Variants in ADAMTS19 observed in about 807,000 individuals in gnomAD.
The protein encoded by ADAMTS19 is A disintegrin and metalloproteinase with thrombospondin motifs 19.
ADAMTS19 carries 93 observed loss-of-function variants against 153.3 expected under a neutral mutation model. That is an observed-to-expected ratio of 0.61 (90% CI 0.51 to 0.72). The LOEUF (loss-of-function observed/expected upper bound fraction) is 0.72, where lower values mean the gene tolerates loss of function less well. Ranked by LOEUF, ADAMTS19 falls within the 30% of genes least tolerant of loss-of-function variation. The pLI is 0.00. For missense variants in ADAMTS19, 1,482 were observed against 1,552.1 expected, an observed-to-expected ratio of 0.95 and a Z score of 0.76; for synonymous variants, 600 against 556.6, an observed-to-expected ratio of 1.08 and a Z score of -1.10.
chr5:129,658,321 GAAAGAAAGAAAGAA>G (rs1491561212), intron 14 of ADAMTS19, among the ~76,000 whole-genome samples: 1 of 86,334 alleles, frequency 1.2e-5, no homozygotes, highest in African/African-American at 4.3e-5. Flanking sequence ...AAGAAAGAAA[GAAAGAAAGAAAGAA>G]AGAAAGAAAG....
intron 18 of ADAMTS19, among the ~76,000 whole-genome samples, chr5:129,689,926 G>A (rs559838366): frequency 2.0e-4 from 30 of 152,112 alleles, no homozygotes; most frequent in Non-Finnish European, 3.7e-4. Flanking sequence ...ATACCTAAGC[G>A]ATAATCCATG....
chr5:129,707,685 A>C (rs1015615269), intron 21 of ADAMTS19, among the ~76,000 whole-genome samples: 16 of 152,366 alleles, frequency 1.1e-4, no homozygotes, highest in Admixed American at 7.8e-4. Flanking sequence ...TGAAACAGGA[A>C]TAGCAACAAG....
chr5:129,647,214 G>GAAAA (rs34958335), intron 11 of ADAMTS19, among the ~76,000 whole-genome samples: 6 of 102,306 alleles, frequency 5.9e-5, no homozygotes, highest in Non-Finnish European at 8.3e-5. Context: ...AATTCTTTCA[G>GAAAA]AAAAAAAAAA....
intron 10 of ADAMTS19, among the ~76,000 whole-genome samples, chr5:129,637,836 G>A (rs939722774): frequency 1.6e-4 from 24 of 152,166 alleles, no homozygotes; most frequent in African/African-American, 4.6e-4. Flanking sequence ...TGACAAGAGC[G>A]AGACTCTGTC....
intron 21 of ADAMTS19, among the ~76,000 whole-genome samples, chr5:129,708,326 A>G (rs1756261411): frequency 6.6e-6 from 1 of 152,156 alleles, no homozygotes; most frequent in Non-Finnish European, 1.5e-5. Flanking sequence ...ATTATATGCC[A>G]CGTTCTGACT....
At chr5:129,597,799 A>G (rs1171538621) in intron 8 of ADAMTS19, among the ~76,000 whole-genome samples, 10 of 151,566 alleles carry the variant, frequency 6.6e-5, no homozygotes, top group Admixed American at 6.6e-4. Flanking sequence ...CTACTGGGGA[A>G]GCTGAGGCAG....
intron 3 of ADAMTS19, among the ~76,000 whole-genome samples, chr5:129,522,462 T>A (rs1013736850): frequency 6.7e-6 from 1 of 150,020 alleles, no homozygotes; most frequent in African/African-American, 2.4e-5. Context: ...TGGCTAGTAT[T>A]GTTTTTGTCA....
intron 6 of ADAMTS19, among the ~76,000 whole-genome samples, chr5:129,535,909 A>G (rs933736860): frequency 1.3e-5 from 2 of 152,162 alleles, no homozygotes; most frequent in Admixed American, 1.3e-4. Flanking sequence ...ACAAAAATTA[A>G]TTCAAGATGG....
chr5:129,680,903 T>A (rs903244521), intron 17 of ADAMTS19, among the ~76,000 whole-genome samples: 1 of 152,190 alleles, frequency 6.6e-6, no homozygotes, highest in Non-Finnish European at 1.5e-5. Flanking sequence ...TGCGTGCTAA[T>A]GGCACATGAG....
At chr5:129,733,944 CGTGTGTGTGTGTGTGTGTGTGT>C (rs34177749) in intron 21 of ADAMTS19, among the ~76,000 whole-genome samples, 68 of 147,838 alleles carry the variant, frequency 4.6e-4, no homozygotes, top group African/African-American at 1.3e-3. Flanking sequence ...CAAGTGTGTG[CGTGTGTGTGTGTGTGTGTGTGT>C]GTGTGTGTGT....
chr5:129,645,010 A>G lies in ADAMTS19; in HGVS notation c.1873-2755A>G, dbSNP rs542480088. On this transcript the variant is annotated intron_variant, in intron 11 of 22. Coordinates refer to ENST00000274487, the MANE Select transcript of ADAMTS19 (RefSeq NM_133638.6). ...CAATATATGTACAAGATTTGATCAG[A>G]GACTGTTCAGGCTCCTTTGACATCT... Among the ~76,000 whole-genome samples, 5 of 152,234 alleles carry G rather than the reference A, an allele frequency of 3.3e-5. No individual in the cohort carries two copies. The East Asian group carries it at 7.7e-4, about 24-fold the overall frequency.
intron 18 of ADAMTS19, among the ~76,000 whole-genome samples, chr5:129,690,434 C>A (rs1385318512): frequency 6.6e-6 from 1 of 152,110 alleles, no homozygotes; most frequent in Non-Finnish European, 1.5e-5. Context: ...TTTAACTTGA[C>A]AGCTATGTGA....
At chr5:129,465,400 C>T (rs1749822709) in intron 2 of ADAMTS19, among the ~76,000 whole-genome samples, 1 of 142,394 alleles carries the variant, frequency 7.0e-6, no homozygotes, top group Non-Finnish European at 1.5e-5. Flanking sequence ...TTTTAATGGA[C>T]TATTGACATG....
chr5:129,647,940 G>C, intron 12 of ADAMTS19, 45 bp downstream of exon 12: 1 of 1,575,474 alleles, frequency 6.3e-7, no homozygotes, highest in Non-Finnish European at 8.7e-7. Flanking sequence ...TTTCAATTTT[G>C]GAATGCAAAG....
chr5:129,717,375 A>C (rs1205928425), intron 21 of ADAMTS19, among the ~76,000 whole-genome samples: 1 of 152,150 alleles, frequency 6.6e-6, no homozygotes, highest in Non-Finnish European at 1.5e-5. Context: ...TTCTGACTCT[A>C]ATTTGATAAC....
chr5:129,557,093 G>A (rs7444945), intron 7 of ADAMTS19, among the ~76,000 whole-genome samples: 127,102 of 152,074 alleles, frequency 0.84, 53,359 homozygotes, highest in Non-Finnish European at 0.88. Flanking sequence ...TTCTGTTTCT[G>A]TGGTTAGTTT....
At position 129,557,080 on chromosome 5, in the gene ADAMTS19, C is replaced by T. The variant is rs1753339983; in HGVS notation, c.1372+5173C>T. 2.0e-5 allele frequency among the ~76,000 whole-genome samples: 3 copies of T among 152,062 alleles called. 1 individual carries two copies. The South Asian group carries it at 6.2e-4, about 31-fold the overall frequency. ...TCAAATCTTTAAACTGTGGTATCAACAATTCTGTTTCTGTGGTTAGTTTTG... is the reference window on the plus strand; with the variant it reads ...TCAAATCTTTAAACTGTGGTATCAATAATTCTGTTTCTGTGGTTAGTTTTG... On this transcript the variant is annotated intron_variant, in intron 7 of 22. Coordinates refer to ENST00000274487, the MANE Select transcript of ADAMTS19 (RefSeq NM_133638.6).
chr5:129,695,067 G>C (rs932234897), intron 19 of ADAMTS19, among the ~76,000 whole-genome samples: 2 of 152,284 alleles, frequency 1.3e-5, no homozygotes, highest in East Asian at 3.9e-4. Flanking sequence ...GGGAGGGATG[G>C]TTGCTGAGGA....
intron 3 of ADAMTS19, among the ~76,000 whole-genome samples, chr5:129,515,126 C>A (rs1751556769): frequency 6.6e-6 from 1 of 151,948 alleles, no homozygotes; most frequent in African/African-American, 2.4e-5. Context: ...TCTTTGCTTT[C>A]TGTTATATTC....
Sources: allele counts gnomAD v4.1 joint callset (sites outside exome capture counted in the v4.1 genomes callset), GRCh38; gene constraint gnomAD v4.1.1; transcripts MANE v1.5; gene names NCBI Gene and HGNC (gene_info 2026-07-23, HGNC 2026-07-21).